Variants in SAMMSON observed in about 807,000 individuals in gnomAD.
SAMMSON encodes the protein long intergenic non-protein coding RNA 1212.
intron 9 of SAMMSON, among the ~76,000 whole-genome samples, chr3:70,375,054 G>A (rs984972006): frequency 4.6e-5 from 7 of 152,218 alleles, no homozygotes; most frequent in Admixed American, 1.3e-4. Flanking sequence ...GTGTGCATGC[G>A]TGTAAAGTCC....
At chr3:70,275,685 ACAAT>A (rs1355413171) in intron 6 of SAMMSON, among the ~76,000 whole-genome samples, 1 of 152,214 alleles carries the variant, frequency 6.6e-6, no homozygotes, top group African/African-American at 2.4e-5. Context: ...ATCAGCGATA[ACAAT>A]ACTTACCTCA....
At chr3:70,183,144 T>C (rs1419002942) in intron 4 of SAMMSON, among the ~76,000 whole-genome samples, 5 of 152,192 alleles carry the variant, frequency 3.3e-5, no homozygotes, top group African/African-American at 7.2e-5. Context: ...TTTTCTTCAC[T>C]GTAACTGTGA....
intron 3 of SAMMSON, among the ~76,000 whole-genome samples, chr3:70,028,930 C>T (rs897728472): frequency 6.6e-6 from 1 of 152,168 alleles, no homozygotes; most frequent in Non-Finnish European, 1.5e-5. Context: ...CAAGCAGGTA[C>T]AGTTGTTAAG....
intron 4 of SAMMSON, among the ~76,000 whole-genome samples, chr3:70,223,879 T>C (rs1227774878): frequency 1.3e-5 from 2 of 152,180 alleles, no homozygotes; most frequent in African/African-American, 4.8e-5. Context: ...TTTATCGTGC[T>C]CTTTCTCTTA....
chr3:70,107,625 A>G (rs1302813286), intron 4 of SAMMSON, among the ~76,000 whole-genome samples: 1 of 147,968 alleles, frequency 6.8e-6, no homozygotes, highest in African/African-American at 2.5e-5. Context: ...TTTAATTTGA[A>G]TTATTTGTGT....
intron 4 of SAMMSON, among the ~76,000 whole-genome samples, chr3:70,181,778 T>C (rs561418529): frequency 6.6e-6 from 1 of 152,226 alleles, no homozygotes; most frequent in Non-Finnish European, 1.5e-5. Flanking sequence ...TTTCACACTT[T>C]CATGCGAAAA....
At chr3:70,373,588 T>G (rs1575636014) in intron 9 of SAMMSON, among the ~76,000 whole-genome samples, 1 of 152,228 alleles carries the variant, frequency 6.6e-6, no homozygotes, top group South Asian at 2.1e-4. Context: ...TCTGGAACTC[T>G]GATAACACAG....
chr3:70,234,122 C>G (rs1283228897), intron 4 of SAMMSON, among the ~76,000 whole-genome samples: 1 of 152,084 alleles, frequency 6.6e-6, no homozygotes, highest in Non-Finnish European at 1.5e-5. Flanking sequence ...TCTAATGAGA[C>G]CCAGAAATAT....
intron 4 of SAMMSON, among the ~76,000 whole-genome samples, chr3:70,154,091 T>A (rs2067582173): frequency 6.6e-6 from 1 of 151,958 alleles, no homozygotes; most frequent in Non-Finnish European, 1.5e-5. Flanking sequence ...TCCTTGAAAC[T>A]GACTTTTTTT....
intron 4 of SAMMSON, among the ~76,000 whole-genome samples, chr3:70,075,924 A>G (rs944892229): frequency 3.5e-5 from 5 of 143,904 alleles, no homozygotes; most frequent in Admixed American, 2.9e-4. Context: ...TAGTCCTATT[A>G]CAGTAGGCTC....
intron 3 of SAMMSON, chr3:70,068,720 AT>A (rs902603143): frequency 6.6e-6 from 1 of 152,086 alleles, no homozygotes; most frequent in African/African-American, 2.4e-5. Context: ...ATATTGGATT[AT>A]TGTGGTGTTA....
At chr3:70,191,488 A>G (rs1205421587) in intron 4 of SAMMSON, among the ~76,000 whole-genome samples, 1 of 152,222 alleles carries the variant, frequency 6.6e-6, no homozygotes, top group Non-Finnish European at 1.5e-5. Flanking sequence ...ACTAAAAGGT[A>G]AGTCTTTGTA....
At chr3:70,027,090 T>C (rs1034126966) in intron 3 of SAMMSON, among the ~76,000 whole-genome samples, 2 of 152,184 alleles carry the variant, frequency 1.3e-5, no homozygotes, top group African/African-American at 4.8e-5. Context: ...TGTTCATGAT[T>C]CAGAACGTTG....
At chr3:70,165,651 A>G (rs575891495) in intron 4 of SAMMSON, among the ~76,000 whole-genome samples, 1 of 152,122 alleles carries the variant, frequency 6.6e-6, no homozygotes, top group East Asian at 1.9e-4. Flanking sequence ...CAGAAATGCT[A>G]CGAAAAGCTC....
intron 7 of SAMMSON, among the ~76,000 whole-genome samples, chr3:70,343,618 A>G (rs973815491): frequency 3.9e-5 from 6 of 152,148 alleles, no homozygotes; most frequent in African/African-American, 1.2e-4. Context: ...TGTTGACATT[A>G]GCCTTGATCA....
intron 9 of SAMMSON, among the ~76,000 whole-genome samples, chr3:70,372,203 C>T (rs1702976256): frequency 1.3e-5 from 2 of 151,824 alleles, no homozygotes; most frequent in African/African-American, 2.4e-5. Context: ...TTATCAAATG[C>T]TTTTTCTGCA....
intron 4 of SAMMSON, among the ~76,000 whole-genome samples, chr3:70,104,955 T>G (rs1024653641): frequency 2.0e-5 from 3 of 152,090 alleles, no homozygotes; most frequent in African/African-American, 7.2e-5. Flanking sequence ...CTATTTAAAG[T>G]AGTAATTATG....
intron 4 of SAMMSON, among the ~76,000 whole-genome samples, chr3:70,080,912 C>G (rs1469796409): frequency 1.3e-5 from 2 of 152,056 alleles, no homozygotes; most frequent in African/African-American, 4.8e-5. Context: ...TAAGGACAAC[C>G]CAGGGCCTAT....
At chr3:70,000,784 A>G (rs1053249735) in intron 1 of SAMMSON, among the ~76,000 whole-genome samples, 1 of 152,192 alleles carries the variant, frequency 6.6e-6, no homozygotes, top group Admixed American at 6.5e-5. Context: ...GCTTGCTATC[A>G]TCAAGCTATT....
Sources: allele counts gnomAD v4.1 joint callset (sites outside exome capture counted in the v4.1 genomes callset), GRCh38; gene constraint gnomAD v4.1.1; transcripts MANE v1.5; gene names NCBI Gene and HGNC (gene_info 2026-07-23, HGNC 2026-07-21).